ANO2: variants seen among roughly 807,000 people sequenced by gnomAD.
ANO2 encodes anoctamin 2, also known as anoctamin-2.
A neutral mutation model predicts 124.2 loss-of-function variants in ANO2; 101 were observed. The observed-to-expected ratio is 0.81, with a 90% CI of 0.69 to 0.96. ANO2 has a LOEUF of 0.96. Among genes scored for constraint, ANO2 ranks in the 40% least tolerant of loss-of-function variants. ANO2 has a pLI of 0.00. For missense variants in ANO2, 1,293 were observed against 1,274.5 expected, an observed-to-expected ratio of 1.01 and a Z score of -0.22; for synonymous variants, 486 against 482.5, an observed-to-expected ratio of 1.01 and a Z score of -0.09.
intron 1 of ANO2, among the ~76,000 whole-genome samples, chr12:5,935,796 G>A (rs1222038101): frequency 6.6e-6 from 1 of 152,204 alleles, no homozygotes; most frequent in Non-Finnish European, 1.5e-5. Flanking sequence ...AAATATTGAT[G>A]TCTGGGTTTC....
At chr12:5,685,967 C>A (rs920809880) in intron 14 of ANO2, among the ~76,000 whole-genome samples, 11 of 152,198 alleles carry the variant, frequency 7.2e-5, no homozygotes, top group African/African-American at 2.4e-4. Context: ...GCACTCCCCT[C>A]AAGGGCAGAA....
chr12:5,886,025 C>T (rs1019774456), intron 3 of ANO2, among the ~76,000 whole-genome samples: 2 of 152,216 alleles, frequency 1.3e-5, no homozygotes, highest in Middle Eastern at 3.4e-3. Context: ...AAAAGGAATC[C>T]GAATAGAGTC....
At chr12:5,605,267 T>C (rs879658011) in intron 19 of ANO2, among the ~76,000 whole-genome samples, 2 of 152,250 alleles carry the variant, frequency 1.3e-5, no homozygotes, top group African/African-American at 2.4e-5. Flanking sequence ...CAGATTCCAC[T>C]GTATTTGAGG....
chr12:5,758,723 G>C lies in ANO2; in HGVS notation c.1056-7753C>G, dbSNP rs1241410711. 3.3e-5 allele frequency among the ~76,000 whole-genome samples: 5 copies of C among 152,296 alleles called. No individual in the cohort carries two copies. The South Asian group carries it at 1.0e-3, about 32-fold the overall frequency. ...CAACAAAACCTCACTCAACTAGATT[G>C]ACTCAACTCTCCTCACTACTGACCT... On this transcript the variant is annotated intron_variant, in intron 10 of 24. Transcript: ENST00000682330.
At chr12:5,933,211 G>A (rs1591811942) in intron 1 of ANO2, among the ~76,000 whole-genome samples, 1 of 152,202 alleles carries the variant, frequency 6.6e-6, no homozygotes, top group Non-Finnish European at 1.5e-5. Flanking sequence ...TCTCCTGCTA[G>A]TGACTCTCCT....
At chr12:5,648,517 T>C (rs1202264069) in intron 14 of ANO2, among the ~76,000 whole-genome samples, 1 of 152,176 alleles carries the variant, frequency 6.6e-6, no homozygotes, top group East Asian at 1.9e-4. Flanking sequence ...ACAATCGTTA[T>C]CAGTAACCAG....
intron 7 of ANO2, among the ~76,000 whole-genome samples, chr12:5,814,567 G>A (rs893520770): frequency 9.2e-5 from 14 of 152,060 alleles, no homozygotes; most frequent in South Asian, 2.1e-4. Context: ...ATCCCTACAC[G>A]ACATCCTATC....
At chr12:5,848,915 C>T (rs912215031) in intron 4 of ANO2, among the ~76,000 whole-genome samples, 3 of 152,210 alleles carry the variant, frequency 2.0e-5, no homozygotes, top group African/African-American at 2.4e-5. Context: ...GCAGTAACAA[C>T]GGCAATTCTC....
In ANO2 at chr12:5,636,999, G is replaced by A; in HGVS notation, c.1621-1652C>T. ...AGAGGAAGGCTGTGTGTGTTTGGGT[G>A]TGTGTGGGTGTGGGGAGAGGAGAGG... On this transcript the variant is annotated intron_variant, in intron 15 of 24. Transcript: ENST00000682330. This position sits in a 1 kb window ranked among gnomAD's most constrained non-coding sequence, Gnocchi z 4.6. Among the ~76,000 whole-genome samples, 1 of 151,758 alleles carries A rather than the reference G, an allele frequency of 6.6e-6. No homozygotes were observed. The highest frequency in any genetic ancestry group is 1.5e-5 in the Non-Finnish European group (1 of 67,968).
At chr12:5,849,516 C>T (rs1236960686) in intron 4 of ANO2, among the ~76,000 whole-genome samples, 2 of 152,362 alleles carry the variant, frequency 1.3e-5, no homozygotes, top group Admixed American at 1.3e-4. Context: ...GGGCCAAAGG[C>T]CAGGCCTTCC....
intron 14 of ANO2, among the ~76,000 whole-genome samples, chr12:5,730,532 C>T (rs1267957339): frequency 6.6e-6 from 1 of 152,224 alleles, no homozygotes; most frequent in Non-Finnish European, 1.5e-5. Flanking sequence ...GAGACAAGCA[C>T]ATCCAAGACC....
At chr12:5,610,868 G>A (rs1944508373) in intron 19 of ANO2, among the ~76,000 whole-genome samples, 1 of 135,702 alleles carries the variant, frequency 7.4e-6, no homozygotes, top group Admixed American at 7.2e-5. Context: ...ACAACCCTAA[G>A]GGAAATTATT....
intron 3 of ANO2, among the ~76,000 whole-genome samples, chr12:5,860,746 T>C (rs750811585): frequency 6.6e-6 from 1 of 152,192 alleles, no homozygotes; most frequent in African/African-American, 2.4e-5. Context: ...ATCCTGTTGG[T>C]AGCCCCAGAT....
intron 14 of ANO2, among the ~76,000 whole-genome samples, chr12:5,693,644 A>G (rs1405803473): frequency 6.6e-6 from 1 of 152,166 alleles, no homozygotes; most frequent in Non-Finnish European, 1.5e-5. Flanking sequence ...CAAAATATCC[A>G]GAGACCCCCT....
chr12:5,821,460 GC>G (rs1182305144), intron 7 of ANO2, among the ~76,000 whole-genome samples: 3 of 152,234 alleles, frequency 2.0e-5, no homozygotes, highest in Non-Finnish European at 4.4e-5. Context: ...ATAGGAGAAG[GC>G]TCTGCAACAG....
chr12:5,672,914 C>A (rs1005651009), intron 14 of ANO2, among the ~76,000 whole-genome samples: 2 of 152,142 alleles, frequency 1.3e-5, no homozygotes, highest in Non-Finnish European at 2.9e-5. Context: ...TTTTAGGAGG[C>A]CCTTCCCACG....
At chr12:5,878,879 T>G (rs1938292132) in intron 3 of ANO2, among the ~76,000 whole-genome samples, 2 of 152,206 alleles carry the variant, frequency 1.3e-5, no homozygotes, top group South Asian at 4.1e-4. Flanking sequence ...CCATAGGAGA[T>G]GGAGCAGGGA....
At chr12:5,804,400 G>C (rs773563031) in intron 9 of ANO2, among the ~76,000 whole-genome samples, 7 of 152,150 alleles carry the variant, frequency 4.6e-5, no homozygotes, top group Non-Finnish European at 8.8e-5. Context: ...ATTAAAACCA[G>C]TCTTCTCTCC....
chr12:5,868,638 G>C (rs1486714831), intron 3 of ANO2, among the ~76,000 whole-genome samples: 1 of 151,990 alleles, frequency 6.6e-6, no homozygotes, highest in African/African-American at 2.4e-5. Context: ...TTTTTTCCTA[G>C]AAAAAGCTGG....
Sources: allele counts gnomAD v4.1 joint callset (sites outside exome capture counted in the v4.1 genomes callset), GRCh38; gene constraint gnomAD v4.1.1; non-coding constraint Gnocchi (gnomAD v3.1); transcripts MANE v1.5; gene names NCBI Gene and HGNC (gene_info 2026-07-23, HGNC 2026-07-21).